The following DCAKD variants were observed in gnomAD, a reference collection of about 807,000 sequenced individuals.
DCAKD encodes dephospho-CoA kinase domain containing.
DCAKD carries 15 observed loss-of-function variants against 18.7 expected under a neutral mutation model. The ratio of observed to expected loss-of-function variants is 0.80; its 90% CI spans 0.54 to 1.24. The LOEUF is 1.24. Among genes scored for constraint, DCAKD ranks in the 50% most tolerant of loss-of-function variants. The probability of loss-of-function intolerance (pLI) is 0.00; values close to 1 mark genes in which losing one functional copy is unlikely to be tolerated. For missense variants in DCAKD, 301 were observed against 322.0 expected (o/e 0.93, Z 0.50); for synonymous variants, 130 against 133.0 (o/e 0.98, Z 0.16).
At position 45,047,131 on chromosome 17, in the gene DCAKD, G is replaced by GA. The variant is rs11290490; in HGVS notation, c.-115+4229dup. 5.5e-4 allele frequency among the ~76,000 whole-genome samples: 77 copies of GA among 139,764 alleles called. No individual in the cohort carries two copies. In the South Asian group the frequency reaches 6.2e-3, roughly 11 times the overall value. 91.7% of individuals were successfully genotyped at this position (139,764 alleles called of 152,430 possible). ...GTTCAAAGAACTGAGTGATATTGCT[G>GA]AAAAAAAAAAAAAGCCTTCAACTCC... On this transcript the variant is annotated intron_variant, in intron 1 of 4. Coordinates refer to ENST00000651974, the MANE Select transcript of DCAKD (RefSeq NM_001288655.2).
rs571957829 is a variant in DCAKD, at chr17:45,038,452, A to C, written c.-114-3453T>G. Among the ~76,000 whole-genome samples, 7 of 152,342 alleles carry C rather than the reference A, an allele frequency of 4.6e-5. 1 individual carries two copies. In the South Asian group the frequency reaches 1.0e-3, roughly 23 times the overall value. On this transcript the variant is annotated intron_variant, in intron 1 of 4. Coordinates refer to ENST00000651974, the MANE Select transcript of DCAKD (RefSeq NM_001288655.2). The stretch of plus-strand genomic sequence containing the variant: ...GCAGCTATTATCAAAGGCTGGATGC[A>C]GTTCAGGGCTCCTAACCCCTAGTCT...
rs991861153 is a variant in DCAKD, at chr17:45,031,091, C to A, written c.317-912G>T. On this transcript the variant is annotated intron_variant, in intron 3 of 4. Coordinates refer to ENST00000651974, the MANE Select transcript of DCAKD (RefSeq NM_001288655.2). Reference sequence around the variant, plus strand: ...AGGAAAATGCTTCTCTGCCCAGAGACCCCTGGCCTGGCTGGGGCAGGAGAC... The same window carrying A: ...AGGAAAATGCTTCTCTGCCCAGAGAACCCTGGCCTGGCTGGGGCAGGAGAC... 17 of 985,288 alleles carry A rather than the reference C, an allele frequency of 1.7e-5. No individual in the cohort carries two copies. In the South Asian group the frequency reaches 7.0e-4, roughly 41 times the overall value. 61.0% of individuals were successfully genotyped at this position (985,288 alleles called of 1,614,324 possible). A position where few individuals can be genotyped will look rare whatever the true frequency, so the allele number is the denominator to read the frequency against.
At chr17:45,048,436 G>T (rs1270587607) in intron 1 of DCAKD, among the ~76,000 whole-genome samples, 1 of 152,066 alleles carries the variant, frequency 6.6e-6, no homozygotes, top group Non-Finnish European at 1.5e-5. Context: ...TCAGGAGTTT[G>T]AGACCTGCCT....
chr17:45,055,529 C>G (rs956539087), upstream of DCAKD, among the ~76,000 whole-genome samples: 1 of 152,120 alleles, frequency 6.6e-6, no homozygotes, highest in Admixed American at 6.6e-5. Flanking sequence ...CAGGCACACA[C>G]TCCTCACTTT....
rs762553298 is a variant in DCAKD at position 45,034,215 on chromosome 17, C to T, written c.288G>A (p.Met96Ile). 82 of 1,613,928 alleles carry T rather than the reference C, an allele frequency of 5.1e-5. 1 individual carries two copies. In the Admixed American group the frequency reaches 1.4e-3, roughly 27 times the overall value. The change falls in exon 3 of 5, where the codon ATG becomes ATA. Residue 96 changes from methionine (M) to isoleucine (I), a missense_variant. Met to Ile is a conservative substitution (Grantham distance 10, BLOSUM62 1). Transcript: ENST00000651974. ...GGAGGAAGTACTTGAACGTCTCCTTCATCATCTCCTTGCGAATCTCGGGGT... is the reference window on the plus strand; with the variant it reads ...GGAGGAAGTACTTGAACGTCTCCTTTATCATCTCCTTGCGAATCTCGGGGT... ...ITHPEIRKEMMKETFKYFLRG... is the reference protein window; with the variant it reads ...ITHPEIRKEMIKETFKYFLRG...
intron 1 of DCAKD, among the ~76,000 whole-genome samples, chr17:45,057,110 C>T (rs866722152): frequency 6.6e-5 from 10 of 152,098 alleles, no homozygotes; most frequent in African/African-American, 1.4e-4. Context: ...CCATGTTGTC[C>T]GGGCTGGAGT....
chr17:45,046,052 C>T lies in DCAKD; in HGVS notation c.-115+5309G>A, dbSNP rs1311894598. On this transcript the variant is annotated intron_variant, in intron 1 of 4. Transcript: ENST00000651974. ...ACGTTGGCCAGGCTGGTTTCGAACTCCTGACCTCAAGTGATCCGCTTGCCT... is the reference window on the plus strand; with the variant it reads ...ACGTTGGCCAGGCTGGTTTCGAACTTCTGACCTCAAGTGATCCGCTTGCCT... 2.7e-5 allele frequency among the ~76,000 whole-genome samples: 4 copies of T among 148,818 alleles called. No individual in the cohort carries two copies. In the East Asian group the frequency reaches 7.9e-4, roughly 29 times the overall value.
In DCAKD at chr17:45,024,544, C is replaced by T; in HGVS notation, c.585G>A (p.Glu195=). The part of the protein sequence containing the change: ...TKRQVILLHT[E]LERSLEYLPL... ...GCAGGTACTCCAGGGAGCGCTCCAG[C>T]TCAGTGTGCAAGAGGATGACCTGGC... Residue 195 remains glutamate (E), a synonymous_variant, in exon 5 of 5, where the codon GAG becomes GAA. Transcript: ENST00000651974. 1 of 1,614,182 alleles carries T rather than the reference C, an allele frequency of 6.2e-7. No homozygotes were observed. The highest frequency in any genetic ancestry group is 1.1e-5 in the South Asian group (1 of 91,086).
intron 4 of DCAKD, among the ~76,000 whole-genome samples, chr17:45,025,838 A>G (rs952846750): frequency 5.1e-5 from 7 of 136,048 alleles, no homozygotes; most frequent in Non-Finnish European, 1.1e-4. Flanking sequence ...TGCAACCTCT[A>G]TCCTCCAGGT....
chr17:45,058,342 A>G (rs895156228), intron 1 of DCAKD, among the ~76,000 whole-genome samples: 1 of 152,118 alleles, frequency 6.6e-6, no homozygotes, highest in Non-Finnish European at 1.5e-5. Flanking sequence ...AATAACACAC[A>G]AAATATCTTT....
rs9675233 is a variant in DCAKD at position 45,048,456 on chromosome 17, G to A, written c.-115+2905C>T. Among the ~76,000 whole-genome samples, 1,095 of 152,208 alleles carry A rather than the reference G, an allele frequency of 7.2e-3. 19 individuals are homozygous for A. The highest frequency in any genetic ancestry group is 0.024 in the African/African-American group (1,009 of 41,488). On this transcript the variant is annotated intron_variant, in intron 1 of 4. Coordinates refer to ENST00000651974, the MANE Select transcript of DCAKD (RefSeq NM_001288655.2). ...AGTTTGAGACCTGCCTGGCCAATAT[G>A]GTGAAACCCCGTCTCTACTAAAAAT...
chr17:45,030,471 T>C (rs113336410), intron 3 of DCAKD, among the ~76,000 whole-genome samples: 15 of 152,114 alleles, frequency 9.9e-5, no homozygotes, highest in African/African-American at 3.6e-4. Flanking sequence ...AAGGTGAGGA[T>C]TCCACGAATG....
At position 45,023,513 on chromosome 17, in the gene DCAKD, G is replaced by A. The variant is rs533977589; in HGVS notation, c.*920C>T. 5 of 145,578 alleles carry A rather than the reference G, an allele frequency of 3.4e-5. No homozygotes were observed. The South Asian group carries it at 1.1e-3, about 33-fold the overall frequency. 9.0% of individuals were successfully genotyped at this position (145,578 alleles called of 1,614,324 possible). ...GCTAATTACTGTACTGTTGGATTAA[G>A]GTAAAATGTTGAGGGGGAGTTGGTA... On this transcript the variant is annotated 3_prime_UTR_variant, in exon 5 of 5. Transcript: ENST00000651974.
At chr17:45,052,446 G>A (rs1268665790), upstream of DCAKD, among the ~76,000 whole-genome samples, 1 of 152,066 alleles carries the variant, frequency 6.6e-6, no homozygotes, top group Non-Finnish European at 1.5e-5. Context: ...TAATCCATTT[G>A]CCCTCTCATA....
chr17:45,057,332 C>G (rs1206551976), intron 1 of DCAKD, among the ~76,000 whole-genome samples: 2 of 151,962 alleles, frequency 1.3e-5, no homozygotes, highest in African/African-American at 4.8e-5. Context: ...CATGAGCCAC[C>G]TCACCCAGCT....
intron 1 of DCAKD, among the ~76,000 whole-genome samples, chr17:45,048,632 A>T (rs2053624986): frequency 7.0e-6 from 1 of 143,632 alleles, no homozygotes; most frequent in African/African-American, 2.6e-5. Context: ...GCGAGACTCC[A>T]TCTCAAAGAA....
At chr17:45,054,011 G>A (rs1029177513), upstream of DCAKD, 1 of 501,246 alleles carries the variant, frequency 2.0e-6, no homozygotes, top group Non-Finnish European at 4.0e-6. Flanking sequence ...AGTATATTGA[G>A]GAATTAAGTA....
Position 45,030,324 on chromosome 17 carries a change from A to G in DCAKD, c.317-145T>C, listed in dbSNP as rs886426242. 25 of 700,546 alleles carry G rather than the reference A, an allele frequency of 3.6e-5. No homozygotes were observed. In the Middle Eastern group the frequency reaches 1.6e-3, roughly 44 times the overall value. The allele number at this position is 700,546 out of a possible 1,614,324, so 43.4% of individuals were successfully genotyped here. A position where few individuals can be genotyped will look rare whatever the true frequency, so the allele number is the denominator to read the frequency against. On this transcript the variant is annotated intron_variant, in intron 3 of 4. Transcript: ENST00000651974. Reference sequence around the variant, plus strand: ...CATACCCTGCACACTGGCCGGTTCCAATGCCGTGCAGAACAGAAGGCTGCA... The same window carrying G: ...CATACCCTGCACACTGGCCGGTTCCGATGCCGTGCAGAACAGAAGGCTGCA...
At chr17:45,037,800 T>C (rs1439443214) in intron 1 of DCAKD, among the ~76,000 whole-genome samples, 1 of 132,870 alleles carries the variant, frequency 7.5e-6, no homozygotes, top group Non-Finnish European at 1.6e-5. Context: ...AGAGTCTCAC[T>C]CTGTTGCCCA....
Sources: gnomAD v4.1 joint callset for allele counts (sites outside exome capture counted in the v4.1 genomes callset) on GRCh38, gnomAD v4.1.1 for gene constraint, MANE v1.5 for transcripts, NCBI Gene and HGNC (gene_info 2026-07-23, HGNC 2026-07-21) for gene names.